ST7L: variants seen among roughly 807,000 people sequenced by gnomAD.
ST7L encodes suppression of tumorigenicity 7 like.
A neutral mutation model predicts 72.5 loss-of-function variants in ST7L; 57 were observed. The ratio of observed to expected loss-of-function variants is 0.79; its 90% CI spans 0.64 to 0.98. The LOEUF is 0.98. Among genes scored for constraint, ST7L ranks in the 50% least tolerant of loss-of-function variants. The probability of loss-of-function intolerance (pLI) is 0.00; values close to 1 mark genes in which losing one functional copy is unlikely to be tolerated. For synonymous variants in ST7L, 221 were observed against 240.9 expected (o/e 0.92, Z 0.77); for missense variants, 576 against 672.2 (o/e 0.86, Z 1.58).
chr1:112,538,515 T>C (rs1359398769), intron 14 of ST7L, among the ~76,000 whole-genome samples: 1 of 152,150 alleles, frequency 6.6e-6, no homozygotes, highest in African/African-American at 2.4e-5. Context: ...GCTAATTTTT[T>C]TGTATATTTG....
intron 14 of ST7L, chr1:112,526,330 C>T (rs1286365532): frequency 1.7e-5 from 8 of 472,440 alleles, no homozygotes; most frequent in East Asian, 1.6e-4. Flanking sequence ...CCTAATTCTA[C>T]TCCTTTTTTC....
intron 12 of ST7L, 94 bp from the exon 13 acceptor site, chr1:112,550,787 T>C: frequency 9.9e-7 from 1 of 1,009,252 alleles, no homozygotes; most frequent in Non-Finnish European, 1.5e-6. Context: ...CACATACTAT[T>C]TTCTTTTTTT....
At chr1:112,568,468 C>A (rs1246005215) in intron 11 of ST7L, among the ~76,000 whole-genome samples, 1 of 150,472 alleles carries the variant, frequency 6.6e-6, no homozygotes, top group Admixed American at 6.7e-5. Flanking sequence ...TCCCAAGTAG[C>A]TGGGACTACA....
chr1:112,521,107 TAAC>T (rs1390963294), downstream of ST7L: 5 of 152,968 alleles, frequency 3.3e-5, no homozygotes, highest in African/African-American at 1.2e-4. Flanking sequence ...AAAAGAATCA[TAAC>T]AATACAAACA....
intron 10 of ST7L, among the ~76,000 whole-genome samples, 160 bp from the exon 11 acceptor site, chr1:112,577,248 G>T (rs1043293514): frequency 6.7e-6 from 1 of 149,888 alleles, no homozygotes; most frequent in African/African-American, 2.5e-5. Context: ...ATTAAAGCTG[G>T]CCGGGCGCAG....
rs558686812 is a variant in ST7L at position 112,602,816 on chromosome 1, C to A, written c.452-1968G>T. The stretch of plus-strand genomic sequence containing the variant: ...CTGCATGCTCCGCCTCCCAGGTTCA[C>A]GCCATTCTCCTGCCTCAGCCTCCCG... On this transcript the variant is annotated intron_variant, in intron 3 of 14. Transcript: ENST00000358039. Among the ~76,000 whole-genome samples, 21 of 150,166 alleles carry A rather than the reference C, an allele frequency of 1.4e-4. No individual in the cohort carries two copies. The Admixed American group carries it at 1.4e-3, about 10-fold the overall frequency.
chr1:112,564,159 G>A (rs1252749313), intron 11 of ST7L, among the ~76,000 whole-genome samples: 2 of 152,124 alleles, frequency 1.3e-5, no homozygotes, highest in Non-Finnish European at 2.9e-5. Context: ...TGAATAAACT[G>A]AAAGAAAACA....
intron 11 of ST7L, among the ~76,000 whole-genome samples, chr1:112,560,161 G>A (rs529046374): frequency 1.9e-3 from 282 of 152,112 alleles, no homozygotes; most frequent in Middle Eastern, 3.4e-3. Context: ...TTGGGAGGCC[G>A]AGGCGGGAGG....
rs1571158441 is a variant in ST7L, at chr1:112,581,896, C to T, written c.1069+96G>A. 46 of 896,462 alleles carry T rather than the reference C, an allele frequency of 5.1e-5. No homozygotes were observed. In the East Asian group the frequency reaches 1.2e-3, roughly 23 times the overall value. 55.5% of individuals were successfully genotyped at this position (896,462 alleles called of 1,614,324 possible). On this transcript the variant is annotated intron_variant, in intron 9 of 14. Coordinates refer to ENST00000358039, the MANE Select transcript of ST7L (RefSeq NM_017744.5). The stretch of plus-strand genomic sequence containing the variant: ...AGTGCTAAATACTGACTGGTAAGAA[C>T]AGAAAGAGAAAATTAAATACTAGAA...
At chr1:112,520,232 C>A (rs1383164849), downstream of ST7L, 1 of 1,547,016 alleles carries the variant, frequency 6.5e-7, no homozygotes, top group Non-Finnish European at 8.9e-7. Context: ...GTATCCAGGG[C>A]AGCTGAAGAG....
At chr1:112,606,043 C>G (rs772364575) in intron 3 of ST7L, among the ~76,000 whole-genome samples, 5 of 152,202 alleles carry the variant, frequency 3.3e-5, no homozygotes, top group Non-Finnish European at 5.9e-5. Flanking sequence ...TTCCCTGTCC[C>G]TTTTAGTTCA....
chr1:112,540,947 G>T, intron 14 of ST7L: 1 of 923,046 alleles, frequency 1.1e-6, no homozygotes, highest in Non-Finnish European at 1.5e-6. Flanking sequence ...AATTATCTTT[G>T]CTAATTTTAC....
At chr1:112,583,682 T>C (rs1405498463) in intron 7 of ST7L, among the ~76,000 whole-genome samples, 1 of 152,334 alleles carries the variant, frequency 6.6e-6, no homozygotes, top group East Asian at 1.9e-4. Context: ...TTTTGAGTTA[T>C]GTTTTTACAA....
At chr1:112,556,966 C>CAAACAAAAAAAAAA (rs1659233526) in intron 11 of ST7L, among the ~76,000 whole-genome samples, 1 of 49,524 alleles carries the variant, frequency 2.0e-5, no homozygotes, top group African/African-American at 6.8e-5. Flanking sequence ...GACTCTGTCT[C>CAAACAAAAAAAAAA]AAAAAAAAAA....
chr1:112,534,982 A>C (rs1385872736), intron 14 of ST7L, among the ~76,000 whole-genome samples: 2 of 152,202 alleles, frequency 1.3e-5, no homozygotes, highest in Non-Finnish European at 2.9e-5. Flanking sequence ...TGTGAACCTC[A>C]TACTTGACAG....
intron 14 of ST7L, among the ~76,000 whole-genome samples, chr1:112,532,330 C>T (rs578133069): frequency 6.6e-6 from 1 of 152,330 alleles, no homozygotes; most frequent in East Asian, 1.9e-4. Flanking sequence ...TGTGGCTGTA[C>T]TCTTGATAGG....
At position 112,558,239 on chromosome 1, in the gene ST7L, A is replaced by G. The variant is rs1237568598; in HGVS notation, c.1246-2221T>C. Among the ~76,000 whole-genome samples the G allele has an allele frequency of 2.0e-5, 3 of 152,190 alleles. 1 individual carries two copies. The highest frequency in any genetic ancestry group is 7.2e-5 in the African/African-American group (3 of 41,454). On this transcript the variant is annotated intron_variant, in intron 11 of 14. Transcript: ENST00000358039. ...AAATATAAAAAGAGAAACATTCCAG[A>G]GGTGTCTCAAAAGATACACTCTCAG...
At chr1:112,601,595 G>A (rs1667404603) in intron 3 of ST7L, among the ~76,000 whole-genome samples, 1 of 152,074 alleles carries the variant, frequency 6.6e-6, no homozygotes, top group Non-Finnish European at 1.5e-5. Context: ...AATTTGTTCT[G>A]GGAAAATCAG....
intron 14 of ST7L, among the ~76,000 whole-genome samples, chr1:112,534,557 T>C (rs770127376): frequency 5.3e-5 from 8 of 152,218 alleles, no homozygotes; most frequent in Non-Finnish European, 8.8e-5. Flanking sequence ...GTAGTCTCAC[T>C]AATTTAGTTC....
Sources: gnomAD v4.1 joint callset for allele counts (sites outside exome capture counted in the v4.1 genomes callset) on GRCh38, gnomAD v4.1.1 for gene constraint, MANE v1.5 for transcripts, NCBI Gene and HGNC (gene_info 2026-07-23, HGNC 2026-07-21) for gene names.